The following MRTFB variants were observed in gnomAD, a reference collection of about 807,000 sequenced individuals.
MRTFB encodes the protein myocardin related transcription factor B, also known as myocardin-related transcription factor B.
Under a neutral mutation model 104.2 loss-of-function variants are expected in MRTFB, and 29 were observed. That is an observed-to-expected ratio of 0.28 (90% CI 0.21 to 0.38). The LOEUF (loss-of-function observed/expected upper bound fraction) is 0.38. Among genes scored for constraint, MRTFB ranks in the 10% least tolerant of loss-of-function variants. MRTFB has a pLI of 1.00. For missense variants in MRTFB, 1,270 were observed against 1,341.6 expected, an observed-to-expected ratio of 0.95 and a Z score of 0.83; for synonymous variants, 535 against 519.5, an observed-to-expected ratio of 1.03 and a Z score of -0.41.
chr16:14,102,339 C>G (rs928578120), intron 2 of MRTFB, among the ~76,000 whole-genome samples: 19 of 152,148 alleles, frequency 1.2e-4, no homozygotes, highest in Admixed American at 1.2e-3. Flanking sequence ...AATCCTGACT[C>G]TTAATCACGG....
the MRTFB span, among the ~76,000 whole-genome samples, chr16:14,058,268 G>C: frequency 6.6e-6 from 1 of 152,196 alleles, no homozygotes; most frequent in Admixed American, 6.5e-5. Context: ...GGAATCTTTA[G>C]CAAAGTCACT....
At chr16:14,191,659 T>C (rs1301386724) in intron 3 of MRTFB, among the ~76,000 whole-genome samples, 2 of 152,214 alleles carry the variant, frequency 1.3e-5, no homozygotes, top group Non-Finnish European at 2.9e-5. Context: ...CTCTGCCTTC[T>C]TAAACAGAAT....
chr16:14,139,950 C>G (rs984096941), intron 2 of MRTFB, among the ~76,000 whole-genome samples: 1 of 152,210 alleles, frequency 6.6e-6, no homozygotes, highest in Non-Finnish European at 1.5e-5. Flanking sequence ...ACTTCTGTTG[C>G]TGATTTCCAT....
At chr16:14,229,082 G>A (rs1476906848) in intron 8 of MRTFB, among the ~76,000 whole-genome samples, 1 of 152,096 alleles carries the variant, frequency 6.6e-6, no homozygotes, top group Non-Finnish European at 1.5e-5. Flanking sequence ...ATACATTTTA[G>A]TATAATTTTT....
intron 2 of MRTFB, among the ~76,000 whole-genome samples, chr16:14,114,672 G>T (rs1229783224): frequency 6.6e-6 from 1 of 151,892 alleles, no homozygotes; most frequent in Non-Finnish European, 1.5e-5. Context: ...TAGTTTTTTT[G>T]GACCAGTAAT....
the MRTFB span, among the ~76,000 whole-genome samples, chr16:14,000,988 T>G: frequency 6.6e-6 from 1 of 152,274 alleles, no homozygotes; most frequent in South Asian, 2.1e-4. Flanking sequence ...CTGTGCCTGA[T>G]ACATGATCAT....
At chr16:14,116,467 T>A (rs760118265) in intron 2 of MRTFB, among the ~76,000 whole-genome samples, 3 of 152,170 alleles carry the variant, frequency 2.0e-5, no homozygotes, top group Non-Finnish European at 4.4e-5. Flanking sequence ...TAACTTTTTT[T>A]TATATGCTTA....
intron 8 of MRTFB, among the ~76,000 whole-genome samples, chr16:14,233,007 A>G (rs1001953945): frequency 2.0e-5 from 3 of 152,226 alleles, no homozygotes; most frequent in Non-Finnish European, 2.9e-5. Flanking sequence ...GTAGTAATCA[A>G]TATGCAAATT....
rs1317322632 is a variant in MRTFB, at chr16:14,264,778, T to C, written c.*3334T>C. On this transcript the variant is annotated 3_prime_UTR_variant, in exon 17 of 17. Coordinates refer to ENST00000571589, the MANE Select transcript of MRTFB (RefSeq NM_001308142.2). Reference sequence around the variant, plus strand: ...AGTCATAGTAATGAGATAGCACCTCTGAACTGTGCAGTCAGCATACCCTGA... The same window carrying C: ...AGTCATAGTAATGAGATAGCACCTCCGAACTGTGCAGTCAGCATACCCTGA... 1 of 152,214 alleles carries C rather than the reference T, an allele frequency of 6.6e-6. No individual in the cohort carries two copies. The highest frequency in any genetic ancestry group is 1.5e-5 in the Non-Finnish European group (1 of 68,050). 9.4% of individuals were successfully genotyped at this position (152,214 alleles called of 1,614,324 possible). A position where few individuals can be genotyped will look rare whatever the true frequency, so the allele number is the denominator to read the frequency against.
the MRTFB span, among the ~76,000 whole-genome samples, chr16:14,006,902 A>G: frequency 6.6e-6 from 1 of 152,006 alleles, no homozygotes; most frequent in East Asian, 1.9e-4. Context: ...CTATAGTCTC[A>G]GCTACTTGGG....
intron 6 of MRTFB, among the ~76,000 whole-genome samples, chr16:14,215,934 A>G (rs1321564488): frequency 1.3e-5 from 2 of 152,268 alleles, no homozygotes; most frequent in African/African-American, 2.4e-5. Context: ...CGAATTTGAC[A>G]GTGATTTTTT....
intron 2 of MRTFB, among the ~76,000 whole-genome samples, chr16:14,108,008 C>T (rs2036077674): frequency 6.6e-6 from 1 of 152,094 alleles, no homozygotes; most frequent in Non-Finnish European, 1.5e-5. Flanking sequence ...GCGTCTCTAC[C>T]AGGGACCCCT....
intron 2 of MRTFB, among the ~76,000 whole-genome samples, chr16:14,080,555 A>G (rs563641328): frequency 1.3e-5 from 2 of 152,196 alleles, no homozygotes; most frequent in African/African-American, 4.8e-5. Context: ...ATAATTAACA[A>G]TAGTCACCAT....
the MRTFB span, among the ~76,000 whole-genome samples, chr16:14,002,700 G>C: frequency 6.6e-6 from 1 of 152,184 alleles, no homozygotes; most frequent in Non-Finnish European, 1.5e-5. Context: ...CTGCAGGAGA[G>C]ATGGAAAAGA....
chr16:14,249,112 C>T (rs747021805), intron 13 of MRTFB, 31 bp downstream of exon 13: 82 of 1,605,278 alleles, frequency 5.1e-5, no homozygotes, highest in Middle Eastern at 1.7e-4. Context: ...AATAGAATGT[C>T]GCTGATTTTT....
intron 2 of MRTFB, among the ~76,000 whole-genome samples, chr16:14,118,790 T>A (rs935593495): frequency 6.6e-6 from 1 of 151,996 alleles, no homozygotes; most frequent in African/African-American, 2.4e-5. Flanking sequence ...TGTTTGTATA[T>A]TATTAAAACT....
chr16:14,200,400 T>A (rs2040636961), intron 3 of MRTFB: 1 of 1,607,858 alleles, frequency 6.2e-7, no homozygotes, highest in Non-Finnish European at 8.5e-7. Context: ...GATGTTTCAC[T>A]GTTTGATGCG....
At chr16:14,255,819 A>G (rs1274245712) in intron 15 of MRTFB, among the ~76,000 whole-genome samples, 1 of 152,122 alleles carries the variant, frequency 6.6e-6, no homozygotes, top group African/African-American at 2.4e-5. Flanking sequence ...TTAAAAAAAA[A>G]AATCAATAGA....
At chr16:14,154,746 A>T (rs1335996156) in intron 3 of MRTFB, among the ~76,000 whole-genome samples, 1 of 152,194 alleles carries the variant, frequency 6.6e-6, no homozygotes, top group Non-Finnish European at 1.5e-5. Context: ...GTTCATGTCC[A>T]AGCTTACTTA....
Sources: gnomAD v4.1 joint callset for allele counts (sites outside exome capture counted in the v4.1 genomes callset) on GRCh38, gnomAD v4.1.1 for gene constraint, MANE v1.5 for transcripts, NCBI Gene and HGNC (gene_info 2026-07-23, HGNC 2026-07-21) for gene names.